The following GNB4 variants were observed in gnomAD, a reference collection of about 807,000 sequenced individuals.
GNB4 encodes G protein subunit beta 4.
GNB4 carries 28 observed loss-of-function variants against 45.2 expected under a neutral mutation model. The ratio of observed to expected loss-of-function variants is 0.62; its 90% CI spans 0.46 to 0.85. GNB4 has a LOEUF of 0.85. Ranked by LOEUF, GNB4 falls within the 40% of genes least tolerant of loss-of-function variation. The pLI is 0.00. For missense variants in GNB4, 321 were observed against 425.4 expected, an observed-to-expected ratio of 0.75 and a Z score of 2.16; for synonymous variants, 132 against 143.7, an observed-to-expected ratio of 0.92 and a Z score of 0.58.
intron 4 of GNB4, among the ~76,000 whole-genome samples, chr3:179,417,491 T>TC (rs1048539405): frequency 6.6e-6 from 1 of 150,984 alleles, no homozygotes; most frequent in African/African-American, 2.4e-5. Flanking sequence ...CACTGCAACC[T>TC]CCGCCTCTCA....
At chr3:179,487,281 A>G in the GNB4 span, among the ~76,000 whole-genome samples, 2 of 152,262 alleles carry the variant, frequency 1.3e-5, no homozygotes, top group Admixed American at 1.3e-4. Flanking sequence ...TTATACAATC[A>G]TAGTCTTATC....
At chr3:179,465,107 G>C in the GNB4 span, 1 of 1,414,086 alleles carries the variant, frequency 7.1e-7, no homozygotes, top group Non-Finnish European at 1.0e-6. Context: ...ATCTGCTGCA[G>C]GTATTCCAAA....
upstream of GNB4, among the ~76,000 whole-genome samples, chr3:179,455,827 G>C (rs1177340511): frequency 6.6e-6 from 1 of 152,168 alleles, no homozygotes; most frequent in Non-Finnish European, 1.5e-5. Context: ...CTCTTATTAA[G>C]ATGGCACTCT....
chr3:179,415,180 T>TTTACA (rs1268921390), intron 5 of GNB4, 133 bp from the exon 6 acceptor site: 1 of 615,880 alleles, frequency 1.6e-6, no homozygotes, highest in African/African-American at 1.9e-5. Flanking sequence ...AATAATGTAA[T>TTTACA]GGCTTGAGAA....
rs28642912 is a variant in GNB4, at chr3:179,401,585, C to T, written c.917-266G>A. On this transcript the variant is annotated intron_variant, in intron 9 of 9. Coordinates refer to ENST00000232564, the MANE Select transcript of GNB4 (RefSeq NM_021629.4). ...GTGGTTTTAATTTTTGAAAAATCAT[C>T]TTATAATTCAACTTATATCTAGGAA... is the stretch of plus-strand genomic sequence containing the variant. Among the ~76,000 whole-genome samples, 6,915 of 152,164 alleles carry T rather than the reference C, an allele frequency of 0.045. 506 individuals carry two copies. Among genetic ancestry groups the T allele is most frequent in the African/African-American group, 0.15 (6,283 of 41,460 alleles).
intron 1 of GNB4, among the ~76,000 whole-genome samples, chr3:179,441,581 AAAAC>A (rs542733210): frequency 2.9e-4 from 44 of 151,918 alleles, no homozygotes; most frequent in Middle Eastern, 3.4e-3. Flanking sequence ...TAAAAATACA[AAAAC>A]AAACAAACAA....
chr3:179,493,951 T>C, the GNB4 span, among the ~76,000 whole-genome samples: 4 of 152,214 alleles, frequency 2.6e-5, no homozygotes, highest in East Asian at 7.7e-4. Flanking sequence ...ATCCACTAGC[T>C]TGTGCACCCA....
At chr3:179,413,856 A>G (rs1714720708) in intron 6 of GNB4, 75 bp from the exon 7 acceptor site, 2 of 1,054,416 alleles carry the variant, frequency 1.9e-6, no homozygotes, top group African/African-American at 1.6e-5. Context: ...ATAGCAATAT[A>G]TATTTTTAAA....
intron 1 of GNB4, among the ~76,000 whole-genome samples, chr3:179,427,737 C>T (rs1026060954): frequency 6.6e-6 from 1 of 151,412 alleles, no homozygotes; most frequent in Non-Finnish European, 1.5e-5. Flanking sequence ...AATAGCTTAA[C>T]AAATAAAGGA....
chr3:179,449,856 T>G (rs1715824198), intron 1 of GNB4, among the ~76,000 whole-genome samples: 2 of 152,226 alleles, frequency 1.3e-5, no homozygotes, highest in Admixed American at 1.3e-4. Flanking sequence ...CAACACTTAG[T>G]TCCAATTCTT....
chr3:179,410,714 T>C (rs994042097), intron 8 of GNB4: 10 of 152,182 alleles, frequency 6.6e-5, no homozygotes, highest in Non-Finnish European at 1.5e-4. Context: ...TCTGAGGTCC[T>C]GGGCTTTAAG....
the GNB4 span, among the ~76,000 whole-genome samples, chr3:179,486,483 G>A: frequency 6.6e-6 from 1 of 152,042 alleles, no homozygotes; most frequent in Non-Finnish European, 1.5e-5. Flanking sequence ...GCCTAAAGTT[G>A]CAGTCTTATT....
At chr3:179,454,627 T>C (rs547891955), upstream of GNB4, among the ~76,000 whole-genome samples, 25 of 152,318 alleles carry the variant, frequency 1.6e-4, no homozygotes, top group African/African-American at 5.5e-4. Context: ...TTTTAAGTTT[T>C]ACCCTAGAAA....
At chr3:179,501,067 GGA>G in the GNB4 span, among the ~76,000 whole-genome samples, 1 of 152,134 alleles carries the variant, frequency 6.6e-6, no homozygotes, top group Non-Finnish European at 1.5e-5. Flanking sequence ...AGTAAGCTCT[GGA>G]AGTAGCAGAT....
intron 8 of GNB4, among the ~76,000 whole-genome samples, chr3:179,409,577 C>A (rs1039788916): frequency 1.3e-5 from 2 of 151,658 alleles, no homozygotes; most frequent in African/African-American, 4.8e-5. Flanking sequence ...TTTGGGAGGC[C>A]GAGGCAGGCA....
rs556323675 is a variant in GNB4, at chr3:179,400,947, C to T, written c.*266G>A. On this transcript the variant is annotated 3_prime_UTR_variant, in exon 10 of 10. Transcript: ENST00000232564. ...TTCTGTTCTACACAAAGAAAATACA[C>T]TCTGAGTACACACAACAATTCACCA... is the stretch of plus-strand genomic sequence containing the variant. The T allele has an allele frequency of 1.9e-4, 60 of 321,490 alleles. 1 individual carries two copies. In the South Asian group the frequency reaches 4.8e-3, roughly 26 times the overall value. 19.9% of individuals were successfully genotyped at this position (321,490 alleles called of 1,614,324 possible).
the GNB4 span, among the ~76,000 whole-genome samples, chr3:179,457,836 G>A: frequency 4.6e-5 from 7 of 152,050 alleles, no homozygotes; most frequent in Admixed American, 2.6e-4. Flanking sequence ...CTTTCACTTC[G>A]AGGTAGTAAC....
intron 2 of GNB4, among the ~76,000 whole-genome samples, chr3:179,421,640 A>T (rs1333154118): frequency 6.6e-6 from 1 of 152,238 alleles, no homozygotes; most frequent in African/African-American, 2.4e-5. Flanking sequence ...TGCTGAATAA[A>T]TGTCCCAAAT....
upstream of GNB4, among the ~76,000 whole-genome samples, chr3:179,453,844 T>C (rs142663030): frequency 6.3e-3 from 917 of 145,202 alleles, 8 homozygotes; most frequent in African/African-American, 0.023. Flanking sequence ...CTCCATATTG[T>C]TCTGGAAAAA....
Sources: gnomAD v4.1 joint callset for allele counts (sites outside exome capture counted in the v4.1 genomes callset) on GRCh38, gnomAD v4.1.1 for gene constraint, MANE v1.5 for transcripts, NCBI Gene and HGNC (gene_info 2026-07-23, HGNC 2026-07-21) for gene names.